RIN2: variants seen among roughly 807,000 people sequenced by gnomAD.
RIN2 encodes RAB5 interacting protein 2.
Under a neutral mutation model 78.0 loss-of-function variants are expected in RIN2, and 36 were observed. The ratio of observed to expected loss-of-function variants is 0.46; its 90% CI spans 0.35 to 0.61. The LOEUF (loss-of-function observed/expected upper bound fraction) is 0.61. RIN2 is among the 20% of genes least tolerant of loss of function. RIN2 has a pLI of 0.00. For missense variants in RIN2, 1,087 were observed against 1,159.7 expected (o/e 0.94, Z 0.91); for synonymous variants, 466 against 466.8 (o/e 1.00, Z 0.02).
At chr20:19,917,323 C>T (rs983027010) in intron 3 of RIN2, among the ~76,000 whole-genome samples, 4 of 152,202 alleles carry the variant, frequency 2.6e-5, no homozygotes, top group African/African-American at 9.6e-5. Context: ...AAGCACCTGT[C>T]CAGAGTACTA....
intron 2 of RIN2, among the ~76,000 whole-genome samples, chr20:19,874,634 C>T (rs1364293976): frequency 1.3e-5 from 2 of 152,088 alleles, no homozygotes; most frequent in African/African-American, 4.8e-5. Context: ...CCTGTGACTA[C>T]CTCTGAAGGA....
chr20:19,850,110 T>C (rs547478371), intron 2 of RIN2, among the ~76,000 whole-genome samples: 1 of 152,326 alleles, frequency 6.6e-6, no homozygotes, highest in South Asian at 2.1e-4. Context: ...TCTGCAAAAA[T>C]GTGTCCTGAG....
intron 1 of RIN2, among the ~76,000 whole-genome samples, chr20:19,797,522 G>C (rs991177160): frequency 2.6e-5 from 4 of 152,280 alleles, no homozygotes; most frequent in Middle Eastern, 3.4e-3. Context: ...TTTACTCTGT[G>C]TGATTTATGA....
chr20:19,960,669 CT>C, intron 5 of RIN2, 30 bp from the exon 6 acceptor site: 1 of 1,471,204 alleles, frequency 6.8e-7, no homozygotes. Context: ...TAGATATTTC[CT>C]AAAGCTTGTA....
intron 3 of RIN2, among the ~76,000 whole-genome samples, chr20:19,928,928 G>A (rs534892464): frequency 3.9e-4 from 59 of 152,242 alleles, no homozygotes; most frequent in African/African-American, 1.1e-3. Context: ...GCAATGCCCC[G>A]GCAAGACCTC....
chr20:19,874,520 G>A (rs780326801), intron 2 of RIN2, among the ~76,000 whole-genome samples: 18 of 152,190 alleles, frequency 1.2e-4, no homozygotes, highest in South Asian at 2.1e-4. Context: ...AGCACACCCC[G>A]TCATTATCTC....
At chr20:19,803,595 G>A (rs1271612381) in intron 2 of RIN2, among the ~76,000 whole-genome samples, 2 of 152,144 alleles carry the variant, frequency 1.3e-5, no homozygotes, top group Non-Finnish European at 2.9e-5. Context: ...ATCAACTCAA[G>A]ATGGATTAAA....
At chr20:19,901,970 G>A (rs1041288820) in intron 3 of RIN2, among the ~76,000 whole-genome samples, 1 of 142,840 alleles carries the variant, frequency 7.0e-6, no homozygotes, top group African/African-American at 2.6e-5. Flanking sequence ...GAGCCAAGAT[G>A]GCACCACTGC....
intron 2 of RIN2, among the ~76,000 whole-genome samples, chr20:19,814,996 A>G (rs2035719172): frequency 6.6e-6 from 1 of 152,182 alleles, no homozygotes; most frequent in South Asian, 2.1e-4. Flanking sequence ...AAGCTTGATC[A>G]TGTAATATTT....
chr20:19,763,359 G>A (rs900311891), intron 1 of RIN2, among the ~76,000 whole-genome samples: 3 of 152,056 alleles, frequency 2.0e-5, no homozygotes, highest in Non-Finnish European at 4.4e-5. Context: ...TTGCACTCCA[G>A]CCTGGGTGAC....
At chr20:19,948,122 C>A (rs1170806188) in intron 4 of RIN2, among the ~76,000 whole-genome samples, 17 of 152,154 alleles carry the variant, frequency 1.1e-4, no homozygotes, top group Admixed American at 1.1e-3. Flanking sequence ...CAAGGGTAGA[C>A]CACAGATGGT....
chr20:19,871,836 T>A (rs2037700283), intron 2 of RIN2: 1 of 152,200 alleles, frequency 6.6e-6, no homozygotes, highest in Admixed American at 6.5e-5. Context: ...GGATCCCCAG[T>A]TTATTTCAAT....
chr20:19,923,530 C>T (rs934577323), intron 3 of RIN2, among the ~76,000 whole-genome samples: 5 of 151,536 alleles, frequency 3.3e-5, no homozygotes, highest in Non-Finnish European at 5.9e-5. Flanking sequence ...GTAATCCCAG[C>T]ACTTTGGGAG....
chr20:19,823,603 C>T (rs905787644), intron 2 of RIN2: 11 of 1,534,944 alleles, frequency 7.2e-6, no homozygotes, highest in Non-Finnish European at 8.9e-6. Context: ...CCGCATCTGT[C>T]GAGCAATGTT....
At chr20:19,901,971 G>A (rs1182540204) in intron 3 of RIN2, among the ~76,000 whole-genome samples, 1 of 143,064 alleles carries the variant, frequency 7.0e-6, no homozygotes, top group Non-Finnish European at 1.5e-5. Context: ...AGCCAAGATG[G>A]CACCACTGCA....
In RIN2 at chr20:19,975,263, C is replaced by T; in HGVS notation, c.1238C>T (p.Pro413Leu). 6.3e-7 allele frequency: 1 copy of T among 1,585,620 alleles called. No homozygotes were observed. ...CCGGGGGATTGCACAAGGGCCCCGC[C>T]GCCCAGCTCTGAATCACGGCCCCCG... ...AAPGDCTRAP[P>L]PSSESRPPCH... is the part of the protein sequence containing the mutation. Residue 413 changes from proline (P) to leucine (L), a missense_variant, in exon 9 of 13, where the codon CCG becomes CTG. By Grantham distance (98) the Pro-to-Leu change is moderately conservative. Coordinates refer to ENST00000255006, the MANE Select transcript of RIN2 (RefSeq NM_018993.4). This position sits in a 1 kb window ranked among gnomAD's most constrained non-coding sequence, Gnocchi z 4.9.
At chr20:19,948,455 C>T (rs998340086) in intron 4 of RIN2, among the ~76,000 whole-genome samples, 10 of 152,118 alleles carry the variant, frequency 6.6e-5, no homozygotes, top group African/African-American at 2.2e-4. Flanking sequence ...AGTGCAGTGG[C>T]GTGATCTCGG....
At chr20:19,877,917 G>C (rs2037906071) in intron 2 of RIN2, among the ~76,000 whole-genome samples, 1 of 152,182 alleles carries the variant, frequency 6.6e-6, no homozygotes, top group African/African-American at 2.4e-5. Flanking sequence ...CTACTGGAGA[G>C]GCTGTGGTGG....
intron 2 of RIN2, among the ~76,000 whole-genome samples, chr20:19,832,416 C>G (rs1397081634): frequency 2.0e-5 from 3 of 150,178 alleles, no homozygotes; most frequent in African/African-American, 4.9e-5. Context: ...TTGCTCCCCA[C>G]TGTCCCTCCC....
Sources: gnomAD v4.1 joint callset for allele counts (sites outside exome capture counted in the v4.1 genomes callset) on GRCh38, gnomAD v4.1.1 for gene constraint, Gnocchi (gnomAD v3.1) non-coding constraint, MANE v1.5 for transcripts, NCBI Gene and HGNC (gene_info 2026-07-23, HGNC 2026-07-21) for gene names.